ATM: variants seen among roughly 807,000 people sequenced by gnomAD.
The protein encoded by ATM is serine-protein kinase ATM.
ATM carries 308 observed loss-of-function variants against 387.0 expected under a neutral mutation model. The observed-to-expected ratio is 0.80, with a 90% CI of 0.73 to 0.87. The LOEUF (loss-of-function observed/expected upper bound fraction) is 0.87. ATM is among the 40% of genes least tolerant of loss of function. The probability of loss-of-function intolerance (pLI) is 0.00; values close to 1 mark genes in which losing one functional copy is unlikely to be tolerated. For synonymous variants in ATM, 1,156 were observed against 1,187.3 expected, an observed-to-expected ratio of 0.97 and a Z score of 0.54; for missense variants, 3,312 against 3,560.9, an observed-to-expected ratio of 0.93 and a Z score of 1.78.
Position 108,365,133 on chromosome 11 carries a change from T to C in ATM, c.8902T>C (p.Leu2968=), listed in dbSNP as rs775313366. ...CTGGACCATGAATCCTTTGAAAGCT[T>C]TGTATTTACAGCAGAGGCCGGAAGA... is the stretch of plus-strand genomic sequence containing the variant. ...FDWTMNPLKA[L]YLQQRPEDET... Residue 2968 remains leucine, a synonymous_variant, in exon 62 of 63, where the codon TTG becomes CTG. Transcript: ENST00000675843. The C allele has an allele frequency of 1.9e-6, 3 of 1,614,206 alleles. No homozygotes were observed. Among genetic ancestry groups the C allele is most frequent in the Non-Finnish European group, 2.5e-6 (3 of 1,180,024 alleles).
intron 49 of ATM, 168 bp downstream of exon 49, chr11:108,329,406 G>T: frequency 1.5e-6 from 1 of 648,802 alleles, no homozygotes. Context: ...TTCGGTTTTT[G>T]TTTTTTGTTT....
intron 33 of ATM, among the ~76,000 whole-genome samples, chr11:108,298,984 G>T (rs530431756): frequency 6.6e-6 from 1 of 152,264 alleles, no homozygotes; most frequent in Admixed American, 6.5e-5. Context: ...AATCAAAGAG[G>T]TGAAAAACTT....
rs535098022 is a variant in ATM, at chr11:108,243,504, T to C, written c.497-449T>C. Among the ~76,000 whole-genome samples, 10 of 152,208 alleles carry C rather than the reference T, an allele frequency of 6.6e-5. No individual in the cohort carries two copies. In the South Asian group the frequency reaches 2.1e-3, roughly 32 times the overall value. On this transcript the variant is annotated intron_variant, in intron 5 of 62. Coordinates refer to ENST00000675843, the MANE Select transcript of ATM (RefSeq NM_000051.4). Reference sequence around the variant, plus strand: ...TTTGTGCGCCTGTGGTCCCAGCTACTTGGGAGACTGAGGCATGAGAATCAC... The same window carrying C: ...TTTGTGCGCCTGTGGTCCCAGCTACCTGGGAGACTGAGGCATGAGAATCAC...
At position 108,316,051 on chromosome 11, in the gene ATM, C is replaced by G. The variant is rs1456877872; in HGVS notation, c.6136C>G (p.Leu2046Val). 6.2e-7 allele frequency: 1 copy of G among 1,614,148 alleles called. No homozygotes were observed. The highest frequency in any genetic ancestry group is 2.2e-5 in the East Asian group (1 of 44,868). The change falls in exon 42 of 63, where the codon CTA (leucine) becomes GTA (valine). Residue 2046 changes from leucine to valine, a missense_variant. Physicochemically the swap from Leu to Val is conservative, Grantham distance 32. Coordinates refer to ENST00000675843, the MANE Select transcript of ATM (RefSeq NM_000051.4). ...YEHEAMWGKA[L>V]VTYDLETAIP... is the part of the protein sequence containing the mutation. ...ACACGAAGCAATGTGGGGCAAAGCC[C>G]TAGTAACATATGACCTCGAAACAGC...
At chr11:108,353,739 C>T (rs2137281956) in intron 59 of ATM, 27 bp from the exon 60 acceptor site, 3 of 1,552,374 alleles carry the variant, frequency 1.9e-6, no homozygotes, top group Non-Finnish European at 2.7e-6. Context: ...GTCAAACCTC[C>T]TAACTTCACT....
rs759392666 is a variant in ATM, at chr11:108,332,844, G to C, written c.7871G>C (p.Cys2624Ser). The change falls in exon 53 of 63, where the codon TGT (cysteine) becomes TCT (serine). Residue 2624 changes from cysteine (C) to serine (S), a missense_variant. Transcript: ENST00000675843. ...ATGGTCAGAAGTGTTGAGGCACTTTGTGATGCTTATATTATATTAGCAAAC... is the reference window on the plus strand; with the variant it reads ...ATGGTCAGAAGTGTTGAGGCACTTTCTGATGCTTATATTATATTAGCAAAC... ...PQMVRSVEAL[C>S]DAYIILANLD... 5 of 1,613,220 alleles carry C rather than the reference G, an allele frequency of 3.1e-6. No individual in the cohort carries two copies. The highest frequency in any genetic ancestry group is 1.7e-5 in the Admixed American group (1 of 60,008).
chr11:108,246,947 A>AT lies in ATM; in HGVS notation c.902-17_902-16insT. The AT allele has an allele frequency of 4.4e-6, 7 of 1,592,774 alleles. No individual in the cohort carries two copies. Among genetic ancestry groups the AT allele is most frequent in the Non-Finnish European group, 6.0e-6 (7 of 1,162,892 alleles). ...AGTACATACATAAAAATTACATTTT[A>AT]ATTTTTTGGATTACAGGTGCTTATG... On this transcript the variant is annotated splice_polypyrimidine_tract_variant and intron_variant, in intron 7 of 62. Transcript: ENST00000675843.
At chr11:108,242,350 A>G (rs889518366) in intron 5 of ATM, among the ~76,000 whole-genome samples, 3 of 152,222 alleles carry the variant, frequency 2.0e-5, no homozygotes, top group Non-Finnish European at 2.9e-5. Flanking sequence ...TGAATCCATA[A>G]TTTAAAGCCT....
At chr11:108,232,945 C>T (rs1031798486) in intron 4 of ATM, among the ~76,000 whole-genome samples, 1 of 152,092 alleles carries the variant, frequency 6.6e-6, no homozygotes, top group African/African-American at 2.4e-5. Flanking sequence ...TCACTGCAAC[C>T]TCCGCCTCCC....
intron 18 of ATM, among the ~76,000 whole-genome samples, chr11:108,270,426 C>T (rs1463427050): frequency 2.0e-5 from 3 of 152,156 alleles, no homozygotes; most frequent in East Asian, 1.9e-4. Context: ...TTGAATTCCA[C>T]AATAGAAGCT....
intron 54 of ATM, 42 bp downstream of exon 54, chr11:108,334,010 T>G (rs751864102): frequency 6.8e-7 from 1 of 1,480,088 alleles, no homozygotes; most frequent in Non-Finnish European, 9.4e-7. Flanking sequence ...AACTAAATTT[T>G]TTTTATTAGA....
At position 108,293,404 on chromosome 11, in the gene ATM, A is replaced by G. The variant is rs368830730; in HGVS notation, c.4703A>G (p.His1568Arg). The change falls in exon 31 of 63, where the codon CAT becomes CGT. Residue 1568 changes from histidine to arginine, a missense_variant. This residue lies in a region of ATM where 1,405 missense variants were observed against 1,604.4 expected (regional missense o/e 0.88). Coordinates refer to ENST00000675843, the MANE Select transcript of ATM (RefSeq NM_000051.4). ...AAGCTTTTAGATCCTTTTCCTGACC[A>G]TGTTGTTTTTAAGGATTTGCGTATT... is the stretch of plus-strand genomic sequence containing the variant. Reference protein sequence around the residue: ...TIKLLDPFPDHVVFKDLRITQ... With the variant: ...TIKLLDPFPDRVVFKDLRITQ... The G allele has an allele frequency of 2.1e-5, 34 of 1,611,362 alleles. No individual in the cohort carries two copies. The highest frequency in any genetic ancestry group is 2.5e-5 in the Non-Finnish European group (30 of 1,177,934).
At chr11:108,308,610 A>G (rs770675306) in intron 38 of ATM, 1 of 196,992 alleles carries the variant, frequency 5.1e-6, no homozygotes, top group Non-Finnish European at 1.0e-5. Context: ...CTCTGAAGAA[A>G]TAGTGTAGTA....
At chr11:108,298,825 TA>T (rs2083259387) in intron 33 of ATM, among the ~76,000 whole-genome samples, 1 of 152,258 alleles carries the variant, frequency 6.6e-6, no homozygotes, top group African/African-American at 2.4e-5. Context: ...GTAGTGCTAA[TA>T]AATGAATTTA....
At chr11:108,298,782 G>A (rs989829822) in intron 33 of ATM, among the ~76,000 whole-genome samples, 3 of 152,170 alleles carry the variant, frequency 2.0e-5, no homozygotes, top group African/African-American at 7.2e-5. Flanking sequence ...TCTTATGTAT[G>A]GAAAATCCCA....
chr11:108,228,086 A>T (rs2135019370), intron 3 of ATM, among the ~76,000 whole-genome samples, 198 bp downstream of exon 3: 1 of 152,370 alleles, frequency 6.6e-6, no homozygotes, highest in South Asian at 2.1e-4. Flanking sequence ...CTTAAAAATT[A>T]TAAATTATTT....
intron 25 of ATM, among the ~76,000 whole-genome samples, chr11:108,283,884 TGTTA>T (rs565362036): frequency 2.0e-5 from 3 of 152,240 alleles, no homozygotes; most frequent in African/African-American, 4.8e-5. Flanking sequence ...ACTGCATTTA[TGTTA>T]GTTGATTATG....
At chr11:108,249,887 C>T (rs2080040890) in intron 9 of ATM, among the ~76,000 whole-genome samples, 1 of 151,972 alleles carries the variant, frequency 6.6e-6, no homozygotes, top group Non-Finnish European at 1.5e-5. Context: ...CTTAATTTGT[C>T]CTTTTAGTCA....
At chr11:108,235,550 C>G (rs2079227334) in intron 4 of ATM, 120 bp from the exon 5 acceptor site, 2 of 983,156 alleles carry the variant, frequency 2.0e-6, no homozygotes, top group South Asian at 3.1e-5. Flanking sequence ...AATTTCTTCT[C>G]TACAAAAGAA....
Sources: allele counts gnomAD v4.1 joint callset (sites outside exome capture counted in the v4.1 genomes callset), GRCh38; gene constraint gnomAD v4.1.1; regional missense constraint gnomAD v4.1.1; transcripts MANE v1.5; gene names NCBI Gene and HGNC (gene_info 2026-07-23, HGNC 2026-07-21).